The following CBX5 variants were observed in gnomAD, a reference collection of about 807,000 sequenced individuals.
CBX5 encodes chromobox protein homolog 5.
CBX5 carries 7 observed loss-of-function variants against 20.7 expected under a neutral mutation model. That is an observed-to-expected ratio of 0.34 (90% CI 0.19 to 0.63). The LOEUF (loss-of-function observed/expected upper bound fraction) is 0.63, where lower values mean the gene tolerates loss of function less well. Ranked by LOEUF, CBX5 falls within the 30% of genes least tolerant of loss-of-function variation. The pLI, the probability that CBX5 is intolerant of heterozygous loss-of-function variation, is 0.75. For synonymous variants in CBX5, 78 were observed against 77.0 expected, an observed-to-expected ratio of 1.01 and a Z score of -0.07; for missense variants, 110 against 224.1, an observed-to-expected ratio of 0.49 and a Z score of 3.25.
intron 4 of CBX5, among the ~76,000 whole-genome samples, chr12:54,244,070 C>T (rs1034150340): frequency 3.3e-5 from 5 of 151,152 alleles, no homozygotes; most frequent in African/African-American, 4.9e-5. Flanking sequence ...GACAGGATCT[C>T]GGCTCACTGC....
rs1943592575 is a variant in CBX5 at position 54,233,765 on chromosome 12, C to A, written c.*7990G>T. On this transcript the variant is annotated 3_prime_UTR_variant, in exon 5 of 5. Coordinates refer to ENST00000209875, the MANE Select transcript of CBX5 (RefSeq NM_012117.3). ...GGGCAACACAGGGAGACTGTCTCTACAAAACATTTTTTAAATAATAAAATT... is the reference window on the plus strand; with the variant it reads ...GGGCAACACAGGGAGACTGTCTCTAAAAAACATTTTTTAAATAATAAAATT... The A allele has an allele frequency of 1.3e-5, 2 of 151,834 alleles. No homozygotes were observed. Among genetic ancestry groups the A allele is most frequent in the African/African-American group, 4.8e-5 (2 of 41,296 alleles). 9.4% of individuals were successfully genotyped at this position (151,834 alleles called of 1,614,324 possible).
At chr12:54,270,300 G>C (rs556456995) in intron 1 of CBX5, among the ~76,000 whole-genome samples, 1 of 152,232 alleles carries the variant, frequency 6.6e-6, no homozygotes, top group South Asian at 2.1e-4. Context: ...TTGTTTTTGA[G>C]ATAGGGTCTC....
chr12:54,270,202 C>A (rs998981458), intron 1 of CBX5, among the ~76,000 whole-genome samples: 9 of 152,228 alleles, frequency 5.9e-5, no homozygotes, highest in Admixed American at 5.9e-4. Context: ...AGGGCCAAAC[C>A]TGTCAGTGAC....
chr12:54,269,323 T>A (rs549939688), intron 1 of CBX5, among the ~76,000 whole-genome samples: 1 of 152,304 alleles, frequency 6.6e-6, no homozygotes, highest in African/African-American at 2.4e-5. Context: ...GAAGAGTTTG[T>A]TGTATAAAAT....
chr12:54,272,438 GT>G (rs906208324), intron 1 of CBX5: 1 of 152,058 alleles, frequency 6.6e-6, no homozygotes, highest in Non-Finnish European at 1.5e-5. Flanking sequence ...CTATGACCTA[GT>G]TTCAGGTAGA....
At chr12:54,261,568 TAC>T (rs1317219030) in intron 1 of CBX5, among the ~76,000 whole-genome samples, 2 of 152,222 alleles carry the variant, frequency 1.3e-5, no homozygotes, top group Non-Finnish European at 2.9e-5. Context: ...GTGCTGGGAT[TAC>T]AGGCATGAGA....
chr12:54,277,367 C>G (rs1944079938), intron 1 of CBX5, among the ~76,000 whole-genome samples: 2 of 152,184 alleles, frequency 1.3e-5, no homozygotes, highest in South Asian at 4.1e-4. Context: ...CCACACCTGG[C>G]TAATTTTTTG....
intron 4 of CBX5, 119 bp downstream of exon 4, chr12:54,245,996 A>C (rs566192759): frequency 3.0e-5 from 22 of 740,310 alleles, no homozygotes; most frequent in Non-Finnish European, 5.0e-5. Context: ...AAAAAGAAAG[A>C]TCTCTGACAT....
chr12:54,276,225 G>A (rs889014639), intron 1 of CBX5, among the ~76,000 whole-genome samples: 3 of 152,024 alleles, frequency 2.0e-5, no homozygotes, highest in Non-Finnish European at 4.4e-5. Context: ...ACTCCTTGAT[G>A]GGGTTATGTC....
intron 1 of CBX5, among the ~76,000 whole-genome samples, chr12:54,260,716 G>C (rs1477625831): frequency 6.6e-6 from 1 of 152,028 alleles, no homozygotes. Context: ...TTGAGAAAAG[G>C]AGTACTAGGA....
At chr12:54,261,537 C>T (rs186121185) in intron 1 of CBX5, among the ~76,000 whole-genome samples, 10 of 152,210 alleles carry the variant, frequency 6.6e-5, no homozygotes, top group Non-Finnish European at 1.3e-4. Context: ...TCTTGTGATC[C>T]GCCCACCTGG....
chr12:54,245,399 C>G (rs527465500), intron 4 of CBX5, among the ~76,000 whole-genome samples: 3 of 152,262 alleles, frequency 2.0e-5, no homozygotes, highest in Non-Finnish European at 4.4e-5. Context: ...AAGCATAATT[C>G]CCATTTAACA....
chr12:54,258,983 A>G (rs1166060823), intron 1 of CBX5, among the ~76,000 whole-genome samples: 5 of 152,192 alleles, frequency 3.3e-5, no homozygotes, highest in Non-Finnish European at 7.3e-5. Flanking sequence ...GTTGGAGACC[A>G]TATCTCCAGA....
Position 54,235,844 on chromosome 12 carries a change from ATGT to A in CBX5, c.*5908_*5910del, listed in dbSNP as rs1272747206. ...CTCTGGTAAAGTGTCCATGAGGAAT[ATGT>A]TGTTATAGAACCCACAATAATGTAA... On this transcript the variant is annotated 3_prime_UTR_variant, in exon 5 of 5. Coordinates refer to ENST00000209875, the MANE Select transcript of CBX5 (RefSeq NM_012117.3). 1 of 152,232 alleles carries A rather than the reference ATGT, an allele frequency of 6.6e-6. No individual in the cohort carries two copies. The highest frequency in any genetic ancestry group is 1.5e-5 in the Non-Finnish European group (1 of 68,038). 9.4% of individuals were successfully genotyped at this position (152,232 alleles called of 1,614,324 possible). A position where few individuals can be genotyped will look rare whatever the true frequency, so the allele number is the denominator to read the frequency against.
chr12:54,252,231 G>C lies in CBX5; in HGVS notation c.138-4C>G. 6.5e-7 allele frequency: 1 copy of C among 1,527,424 alleles called. No homozygotes were observed. Among genetic ancestry groups the C allele is most frequent in the Non-Finnish European group, 8.7e-7 (1 of 1,144,048 alleles). 94.6% of individuals were successfully genotyped at this position (1,527,424 alleles called of 1,614,324 possible). A position where few individuals can be genotyped will look rare whatever the true frequency, so the allele number is the denominator to read the frequency against. ...AGGTTCCCAAGTATTGTGCTCCCTG[G>C]GTAAGAAAAATGGGAAAATTAAAAA... On this transcript the variant is annotated splice_region_variant and splice_polypyrimidine_tract_variant and intron_variant, in intron 2 of 4. Transcript: ENST00000209875.
At chr12:54,269,222 A>G (rs888035518) in intron 1 of CBX5, among the ~76,000 whole-genome samples, 5 of 151,966 alleles carry the variant, frequency 3.3e-5, no homozygotes, top group African/African-American at 1.2e-4. Context: ...GAGATTGCAC[A>G]ACTACACTCC....
At chr12:54,259,708 C>T (rs1164869788) in intron 1 of CBX5, 2 of 152,714 alleles carry the variant, frequency 1.3e-5, no homozygotes, top group East Asian at 3.8e-4. Flanking sequence ...AGTTAAAAGG[C>T]TTAACTTTCC....
intron 1 of CBX5, 65 bp from the exon 2 acceptor site, chr12:54,257,757 G>C (rs1943876412): frequency 7.1e-6 from 9 of 1,267,384 alleles, no homozygotes; most frequent in South Asian, 6.8e-5. Context: ...GTCTTTTCTT[G>C]ATGGGATGAA....
rs567202346 is a variant in CBX5, at chr12:54,260,440, G to C, written c.-42-2748C>G. On this transcript the variant is annotated intron_variant, in intron 1 of 4. Transcript: ENST00000209875. ...ACCCAGGAGGCAGAGGTTGCAGTGA[G>C]CCTAGATCGCACCACTGCACTCCAG... is the stretch of plus-strand genomic sequence containing the variant. Among the ~76,000 whole-genome samples, 7 of 152,122 alleles carry C rather than the reference G, an allele frequency of 4.6e-5. No individual in the cohort carries two copies. In the South Asian group the frequency reaches 8.3e-4, roughly 18 times the overall value.
Sources: gnomAD v4.1 joint callset for allele counts (sites outside exome capture counted in the v4.1 genomes callset) on GRCh38, gnomAD v4.1.1 for gene constraint, MANE v1.5 for transcripts, NCBI Gene and HGNC (gene_info 2026-07-23, HGNC 2026-07-21) for gene names.